PSD3: variants seen among roughly 807,000 people sequenced by gnomAD.
The protein encoded by PSD3 is pleckstrin and Sec7 domain containing 3.
Under a neutral mutation model 105.5 loss-of-function variants are expected in PSD3, and 49 were observed. That is an observed-to-expected ratio of 0.46 (90% CI 0.37 to 0.59). The LOEUF (loss-of-function observed/expected upper bound fraction) is 0.59. PSD3 is among the 20% of genes least tolerant of loss of function. The pLI, the probability that PSD3 is intolerant of heterozygous loss-of-function variation, is 0.00. For synonymous variants in PSD3, 557 were observed against 457.8 expected, an observed-to-expected ratio of 1.22 and a Z score of -2.77; for missense variants, 1,561 against 1,263.8, an observed-to-expected ratio of 1.24 and a Z score of -3.57.
At chr8:18,652,459 C>T (rs1272861899) in intron 10 of PSD3, among the ~76,000 whole-genome samples, 2 of 148,320 alleles carry the variant, frequency 1.3e-5, no homozygotes, top group African/African-American at 5.0e-5. Flanking sequence ...TAATTATATC[C>T]ATGTACATAC....
intron 4 of PSD3, among the ~76,000 whole-genome samples, chr8:18,855,377 G>A (rs575598118): frequency 2.3e-4 from 35 of 152,100 alleles, no homozygotes; most frequent in Non-Finnish European, 3.4e-4. Context: ...TGTGCACATC[G>A]CCATGCTGTT....
intron 9 of PSD3, among the ~76,000 whole-genome samples, chr8:18,709,991 G>A (rs1374177494): frequency 6.6e-6 from 1 of 152,198 alleles, no homozygotes; most frequent in African/African-American, 2.4e-5. Flanking sequence ...GACTGAGCCT[G>A]AGACAGATGA....
intron 1 of PSD3, among the ~76,000 whole-genome samples, chr8:18,953,853 T>C (rs1375314814): frequency 6.6e-6 from 1 of 152,120 alleles, no homozygotes; most frequent in Non-Finnish European, 1.5e-5. Context: ...CATGGATGTA[T>C]GCCAACATAT....
chr8:19,023,270 C>T (rs1045604141), intron 1 of PSD3, among the ~76,000 whole-genome samples: 2 of 152,104 alleles, frequency 1.3e-5, no homozygotes, highest in Non-Finnish European at 2.9e-5. Context: ...TAGTAGACTA[C>T]GTGGCCAGCC....
chr8:18,951,979 A>G (rs1480912939), intron 1 of PSD3, among the ~76,000 whole-genome samples: 1 of 151,938 alleles, frequency 6.6e-6, no homozygotes, highest in Non-Finnish European at 1.5e-5. Flanking sequence ...CAAAAAAGAA[A>G]AACAAACAAA....
chr8:18,887,960 C>A (rs1818545642), intron 2 of PSD3, among the ~76,000 whole-genome samples: 1 of 152,092 alleles, frequency 6.6e-6, no homozygotes, highest in East Asian at 1.9e-4. Context: ...ATAGATGAAA[C>A]TACTAAAACT....
rs574911278 is a variant in PSD3, at chr8:18,626,523, T to C, written c.2410+6090A>G. Among the ~76,000 whole-genome samples the C allele has an allele frequency of 5.9e-5, 9 of 152,264 alleles. No individual in the cohort carries two copies. The East Asian group carries it at 1.7e-3, about 29-fold the overall frequency. ...GTGTCCAAAAAACAGCATTCAGGATTCTCAGAATTATTTGGAGCTCCTATT... is the reference window on the plus strand; with the variant it reads ...GTGTCCAAAAAACAGCATTCAGGATCCTCAGAATTATTTGGAGCTCCTATT... On this transcript the variant is annotated intron_variant, in intron 11 of 15. Coordinates refer to ENST00000327040, the MANE Select transcript of PSD3 (RefSeq NM_015310.4).
At chr8:18,806,634 C>A (rs1811226467) in intron 4 of PSD3, among the ~76,000 whole-genome samples, 1 of 152,084 alleles carries the variant, frequency 6.6e-6, no homozygotes, top group Admixed American at 6.6e-5. Context: ...ACATATGGCC[C>A]CTGTCACACA....
intron 1 of PSD3, among the ~76,000 whole-genome samples, chr8:19,058,503 T>C (rs1029314296): frequency 2.5e-4 from 37 of 149,092 alleles, no homozygotes; most frequent in Non-Finnish European, 4.3e-4. Context: ...ATAATTTATA[T>C]ACATTTATAT....
chr8:18,641,903 CA>C (rs571410169), intron 10 of PSD3, among the ~76,000 whole-genome samples: 10 of 151,902 alleles, frequency 6.6e-5, no homozygotes, highest in African/African-American at 2.4e-4. Flanking sequence ...TGTCACTTAC[CA>C]AAAATAAAAA....
intron 9 of PSD3, among the ~76,000 whole-genome samples, chr8:18,731,076 TA>T (rs1803710855): frequency 8.4e-6 from 1 of 119,030 alleles, no homozygotes; most frequent in African/African-American, 3.1e-5. Flanking sequence ...GCCAACATGG[TA>T]AAACCCTGTC....
intron 1 of PSD3, among the ~76,000 whole-genome samples, chr8:19,005,604 C>A (rs1025429900): frequency 6.6e-6 from 1 of 151,960 alleles, no homozygotes; most frequent in African/African-American, 2.4e-5. Flanking sequence ...CCTGCCTCAG[C>A]CTCCTGAGTG....
chr8:19,074,519 C>T lies in PSD3; in HGVS notation c.324+9687G>A, dbSNP rs1829382320. Among the ~76,000 whole-genome samples, 4 of 146,312 alleles carry T rather than the reference C, an allele frequency of 2.7e-5. No homozygotes were observed. In the Admixed American group the frequency reaches 2.7e-4, roughly 10 times the overall value. ...TCATGACATTGTATTGTTTTCCAAA[C>T]ATGTAGTCTACTATTTTTAGTTTAT... On this transcript the variant is annotated intron_variant, in intron 1 of 1. Transcript: ENST00000521475.
chr8:18,810,985 T>C (rs1395433060), intron 4 of PSD3, among the ~76,000 whole-genome samples: 1 of 152,068 alleles, frequency 6.6e-6, no homozygotes, highest in Non-Finnish European at 1.5e-5. Context: ...GAAAAGAAAA[T>C]AATTTTGTCC....
intron 12 of PSD3, among the ~76,000 whole-genome samples, chr8:18,578,732 T>G (rs2717715): frequency 7.7e-6 from 1 of 130,136 alleles, no homozygotes; most frequent in Non-Finnish European, 1.7e-5. Context: ...CTCTTAAAAA[T>G]GCAAAAAAAA....
chr8:18,704,724 C>G (rs904474601), intron 9 of PSD3, among the ~76,000 whole-genome samples: 22 of 152,126 alleles, frequency 1.4e-4, no homozygotes, highest in African/African-American at 5.1e-4. Flanking sequence ...TTGCTTTGTT[C>G]TTTTCATTCT....
chr8:19,002,661 T>C (rs1401631226), intron 1 of PSD3, among the ~76,000 whole-genome samples: 1 of 152,162 alleles, frequency 6.6e-6, no homozygotes, highest in African/African-American at 2.4e-5. Context: ...CTAGGTTTCG[T>C]ATAATACCTA....
chr8:18,650,080 G>A (rs1808364530), intron 10 of PSD3, among the ~76,000 whole-genome samples: 1 of 152,230 alleles, frequency 6.6e-6, no homozygotes, highest in Admixed American at 6.5e-5. Flanking sequence ...TGTAAACACT[G>A]TTGTAGAAAG....
intron 1 of PSD3, among the ~76,000 whole-genome samples, chr8:18,987,746 G>A (rs1825582362): frequency 6.6e-6 from 1 of 152,092 alleles, no homozygotes; most frequent in Non-Finnish European, 1.5e-5. Context: ...CTGAGCCCAA[G>A]AGGCAGCAGT....
Sources: gnomAD v4.1 joint callset for allele counts (sites outside exome capture counted in the v4.1 genomes callset) on GRCh38, gnomAD v4.1.1 for gene constraint, MANE v1.5 for transcripts, NCBI Gene and HGNC (gene_info 2026-07-23, HGNC 2026-07-21) for gene names.